The following MIPEP variants were observed in gnomAD, a reference collection of about 807,000 sequenced individuals.
MIPEP encodes mitochondrial intermediate peptidase.
In MIPEP, 79 loss-of-function variants were observed where a neutral mutation model predicts 90.3. The observed-to-expected ratio is 0.87, with a 90% CI of 0.73 to 1.05. The LOEUF is 1.05. Ranked by LOEUF, MIPEP falls within the 50% of genes least tolerant of loss-of-function variation. The pLI, the probability that MIPEP is intolerant of heterozygous loss-of-function variation, is 0.00. For missense variants in MIPEP, 940 were observed against 905.6 expected (o/e 1.04, Z -0.49); for synonymous variants, 334 against 315.8 (o/e 1.06, Z -0.61).
At chr13:23,777,551 C>A (rs1236645233) in intron 16 of MIPEP, among the ~76,000 whole-genome samples, 1 of 152,140 alleles carries the variant, frequency 6.6e-6, no homozygotes, top group Admixed American at 6.5e-5. Context: ...CATGGTTACA[C>A]AGAATGTTAT....
At chr13:23,853,634 T>C (rs988521383) in intron 10 of MIPEP, among the ~76,000 whole-genome samples, 1 of 151,974 alleles carries the variant, frequency 6.6e-6, no homozygotes, top group Non-Finnish European at 1.5e-5. Flanking sequence ...TATCTCTGCT[T>C]ACTGCAACCT....
chr13:23,748,126 C>T lies in MIPEP; in HGVS notation c.2044+8419G>A, dbSNP rs117582954. The stretch of plus-strand genomic sequence containing the variant: ...TGTGATCTTGGCTCACTGCAACCTC[C>T]GACTCCCAGGTATAAGCAATTTTCC... On this transcript the variant is annotated intron_variant, in intron 18 of 18. Transcript: ENST00000382172. Among the ~76,000 whole-genome samples, 3,419 of 152,138 alleles carry T rather than the reference C, an allele frequency of 0.022. 329 individuals carry two copies. In the East Asian group the frequency reaches 0.31, roughly 14 times the overall value.
intron 5 of MIPEP, among the ~76,000 whole-genome samples, chr13:23,870,839 C>A (rs1870771269): frequency 6.6e-6 from 1 of 152,026 alleles, no homozygotes; most frequent in South Asian, 2.1e-4. Context: ...CAGTTATTTG[C>A]AAAAGTGTAG....
chr13:23,776,657 C>G (rs774794762), intron 16 of MIPEP, among the ~76,000 whole-genome samples: 10 of 152,016 alleles, frequency 6.6e-5, no homozygotes, highest in Non-Finnish European at 1.3e-4. Flanking sequence ...TAATTTAGTT[C>G]TAAAACATCT....
chr13:23,870,847 T>C (rs1202247447), intron 5 of MIPEP, among the ~76,000 whole-genome samples: 2 of 152,002 alleles, frequency 1.3e-5, no homozygotes, highest in African/African-American at 2.4e-5. Context: ...TGCAAAAGTG[T>C]AGTGAGCCTC....
At chr13:23,864,599 G>A (rs1218929373) in intron 7 of MIPEP, among the ~76,000 whole-genome samples, 2 of 151,962 alleles carry the variant, frequency 1.3e-5, no homozygotes, top group African/African-American at 4.8e-5. Flanking sequence ...AGCCAGGCGT[G>A]GTGGTGCATG....
At chr13:23,761,101 A>G (rs1321246895) in intron 16 of MIPEP, among the ~76,000 whole-genome samples, 7 of 152,094 alleles carry the variant, frequency 4.6e-5, no homozygotes, top group African/African-American at 1.4e-4. Flanking sequence ...ATTACTATAC[A>G]AAGAGGGGTA....
chr13:23,846,713 C>CAA (rs34968948), intron 10 of MIPEP, among the ~76,000 whole-genome samples: 1 of 152,120 alleles, frequency 6.6e-6, no homozygotes. Flanking sequence ...TGTTGGCACT[C>CAA]AAAAAGTTTT....
intron 5 of MIPEP, among the ~76,000 whole-genome samples, chr13:23,872,040 G>A (rs997889089): frequency 3.3e-5 from 5 of 152,166 alleles, no homozygotes; most frequent in Non-Finnish European, 5.9e-5. Context: ...TCATCATTCT[G>A]TGGTAACAAT....
At chr13:23,844,258 A>G (rs1176653611) in intron 10 of MIPEP, among the ~76,000 whole-genome samples, 1 of 152,200 alleles carries the variant, frequency 6.6e-6, no homozygotes, top group Non-Finnish European at 1.5e-5. Flanking sequence ...GAGGTACTGA[A>G]GAACTGAGAG....
At chr13:23,742,461 G>A (rs1565978644) in intron 18 of MIPEP, among the ~76,000 whole-genome samples, 1 of 152,152 alleles carries the variant, frequency 6.6e-6, no homozygotes, top group Non-Finnish European at 1.5e-5. Context: ...CTGGCACAAT[G>A]TCATCTACTT....
At chr13:23,820,676 G>GCT (rs1953296036) in intron 14 of MIPEP, among the ~76,000 whole-genome samples, 1 of 152,092 alleles carries the variant, frequency 6.6e-6, no homozygotes, top group African/African-American at 2.4e-5. Context: ...ATCGCACCTG[G>GCT]CTCTGCCTCT....
intron 10 of MIPEP, among the ~76,000 whole-genome samples, chr13:23,844,558 A>T (rs924095877): frequency 6.6e-6 from 1 of 152,228 alleles, no homozygotes; most frequent in Non-Finnish European, 1.5e-5. Context: ...GAAAGTTTAA[A>T]CTATAATTGG....
chr13:23,848,875 GA>G (rs1201691739), intron 10 of MIPEP, among the ~76,000 whole-genome samples: 3 of 152,204 alleles, frequency 2.0e-5, no homozygotes, highest in East Asian at 3.8e-4. Context: ...AGAAAAGCCA[GA>G]AGGAGAGAGG....
At position 23,837,540 on chromosome 13, in the gene MIPEP, C is replaced by T. The variant is rs372929581; in HGVS notation, c.1543+12G>A. 4.4e-6 allele frequency: 7 copies of T among 1,596,874 alleles called. No individual in the cohort carries two copies. In the African/African-American group the frequency reaches 5.4e-5, roughly 12 times the overall value. ...AGGACTGTAGTAAATAAAAGCCCTC[C>T]TCATGGCTCACCAGTGACGTGTTGG... On this transcript the variant is annotated intron_variant, in intron 13 of 18. Transcript: ENST00000382172.
chr13:23,750,677 G>T (rs1266451387), intron 18 of MIPEP, among the ~76,000 whole-genome samples: 1 of 152,146 alleles, frequency 6.6e-6, no homozygotes, highest in African/African-American at 2.4e-5. Context: ...ATAATGAGTG[G>T]GGAGTTATGT....
chr13:23,856,678 G>T (rs905834923), intron 10 of MIPEP, among the ~76,000 whole-genome samples: 5 of 152,058 alleles, frequency 3.3e-5, no homozygotes, highest in Non-Finnish European at 1.5e-5. Context: ...GCCATCTGTT[G>T]GTCTGGGCTG....
intron 15 of MIPEP, among the ~76,000 whole-genome samples, chr13:23,808,221 C>T (rs1307837567): frequency 6.6e-6 from 1 of 151,948 alleles, no homozygotes; most frequent in African/African-American, 2.4e-5. Context: ...GCCTCAGCCT[C>T]CCGAGTAGCT....
In MIPEP at chr13:23,762,954, G is replaced by A. The variant is rs543074586; in HGVS notation, c.1849-2737C>T. 2.6e-5 allele frequency among the ~76,000 whole-genome samples: 4 copies of A among 152,266 alleles called. No homozygotes were observed. In the East Asian group the frequency reaches 7.7e-4, roughly 29 times the overall value. On this transcript the variant is annotated intron_variant, in intron 16 of 18. Transcript: ENST00000382172. ...GGCCTGCACAGTCTTTTGCCAGCAAGGTCCCTCCAGCATAGTGAAGGGCAG... is the reference window on the plus strand; with the variant it reads ...GGCCTGCACAGTCTTTTGCCAGCAAAGTCCCTCCAGCATAGTGAAGGGCAG...
Sources: allele counts gnomAD v4.1 joint callset (sites outside exome capture counted in the v4.1 genomes callset), GRCh38; gene constraint gnomAD v4.1.1; transcripts MANE v1.5; gene names NCBI Gene and HGNC (gene_info 2026-07-23, HGNC 2026-07-21).